The following CYP4F22 variants were observed in gnomAD, a reference collection of about 807,000 sequenced individuals.
The protein encoded by CYP4F22 is ultra-long-chain fatty acid omega-hydroxylase.
Under a neutral mutation model 60.4 loss-of-function variants are expected in CYP4F22, and 37 were observed. The observed-to-expected ratio is 0.61, with a 90% CI of 0.47 to 0.81. CYP4F22 has a LOEUF of 0.81. Among genes scored for constraint, CYP4F22 ranks in the 30% least tolerant of loss-of-function variants. The pLI is 0.00. For missense variants in CYP4F22, 655 were observed against 715.0 expected, an observed-to-expected ratio of 0.92 and a Z score of 0.96; for synonymous variants, 258 against 280.5, an observed-to-expected ratio of 0.92 and a Z score of 0.80.
At chr19:15,526,689 C>T (rs1971286494) in intron 3 of CYP4F22, among the ~76,000 whole-genome samples, 3 of 152,118 alleles carry the variant, frequency 2.0e-5, no homozygotes, top group Admixed American at 6.6e-5. Flanking sequence ...CTCAGTTCTA[C>T]CCTCTGATGC....
intron 3 of CYP4F22, among the ~76,000 whole-genome samples, chr19:15,529,135 T>TTTA (rs202117622): frequency 6.9e-4 from 63 of 91,394 alleles, no homozygotes; most frequent in African/African-American, 1.9e-3. Context: ...TTTATTTTAT[T>TTTA]TTTTTTTTTT....
At chr19:15,545,648 C>CAAAAAAAAAA (rs1217096575) in intron 10 of CYP4F22, among the ~76,000 whole-genome samples, 35 of 38,876 alleles carry the variant, frequency 9.0e-4, no homozygotes, top group Non-Finnish European at 1.2e-3. Context: ...GACCCTGTCT[C>CAAAAAAAAAA]AAAAAAAAAA....
rs141797727 is a variant in CYP4F22, at chr19:15,521,942, C to T, written c.-108-1751C>T. On this transcript the variant is annotated intron_variant, in intron 1 of 13. Transcript: ENST00000269703. ...GGTGGATGGCCTGAGGTGAGGAGTTCGAGACCAGCCTGGCCAGCATGGTGA... is the reference window on the plus strand; with the variant it reads ...GGTGGATGGCCTGAGGTGAGGAGTTTGAGACCAGCCTGGCCAGCATGGTGA... Among the ~76,000 whole-genome samples, 304 of 151,696 alleles carry T rather than the reference C, an allele frequency of 2.0e-3. 3 individuals are homozygous for T. The highest frequency in any genetic ancestry group is 6.8e-3 in the African/African-American group (281 of 41,362).
intron 8 of CYP4F22, 86 bp downstream of exon 8, chr19:15,540,803 C>T (rs1470923386): frequency 1.9e-6 from 3 of 1,545,290 alleles, no homozygotes; most frequent in East Asian, 4.5e-5. Flanking sequence ...GTTAAAACTC[C>T]ATTAGGCGTG....
intron 12 of CYP4F22, 62 bp from the exon 13 acceptor site, chr19:15,550,612 G>A (rs1334671556): frequency 2.6e-6 from 4 of 1,565,112 alleles, no homozygotes; most frequent in Non-Finnish European, 3.5e-6. Flanking sequence ...GCTCAGGGAA[G>A]GGGGCCAGGC....
intron 1 of CYP4F22, among the ~76,000 whole-genome samples, chr19:15,518,732 TTTCATTTA>T: frequency 7.2e-6 from 1 of 139,398 alleles, no homozygotes; most frequent in Non-Finnish European, 1.6e-5. Context: ...AGAGTCTAAA[TTTCATTTA>T]GAGCAAAGTG....
rs1239157132 is a variant in CYP4F22 at position 15,540,449 on chromosome 19, G to A, written c.672-1G>A. Reference sequence around the variant, plus strand: ...CTCATGGATCCCCTTCTCCTTGGCAGGAAGATGAGTGATTATATCTCCGCT... The same window carrying A: ...CTCATGGATCCCCTTCTCCTTGGCAAGAAGATGAGTGATTATATCTCCGCT... On this transcript the variant is annotated splice_acceptor_variant, in intron 7 of 13. Transcript: ENST00000269703. LOFTEE classifies it high-confidence loss of function. The A allele has an allele frequency of 6.2e-7, 1 of 1,614,158 alleles. No homozygotes were observed. The highest frequency in any genetic ancestry group is 8.5e-7 in the Non-Finnish European group (1 of 1,180,028).
At chr19:15,545,397 C>T (rs1350303846) in intron 10 of CYP4F22, among the ~76,000 whole-genome samples, 2 of 151,918 alleles carry the variant, frequency 1.3e-5, no homozygotes, top group Non-Finnish European at 2.9e-5. Flanking sequence ...CCTGTAATTC[C>T]AGCACTTTGG....
chr19:15,515,923 C>T (rs1428314114), intron 1 of CYP4F22, among the ~76,000 whole-genome samples: 3 of 151,978 alleles, frequency 2.0e-5, no homozygotes, highest in African/African-American at 7.2e-5. Context: ...TGGGGTTTCA[C>T]CATGTTAGCC....
intron 1 of CYP4F22, among the ~76,000 whole-genome samples, chr19:15,519,104 C>T (rs981582670): frequency 6.6e-6 from 1 of 152,000 alleles, no homozygotes; most frequent in African/African-American, 2.4e-5. Context: ...GACACTGAGA[C>T]ATGGGAATTG....
intron 3 of CYP4F22, among the ~76,000 whole-genome samples, chr19:15,527,429 C>A (rs1012568645): frequency 4.6e-5 from 7 of 152,238 alleles, no homozygotes; most frequent in African/African-American, 1.7e-4. Flanking sequence ...ACTGTACTCT[C>A]TGTCCAGGTA....
At chr19:15,520,732 C>T (rs1358255586) in intron 1 of CYP4F22, among the ~76,000 whole-genome samples, 4 of 148,936 alleles carry the variant, frequency 2.7e-5, no homozygotes, top group Non-Finnish European at 5.9e-5. Context: ...GTACTACAGG[C>T]GAATGCTGCC....
intron 3 of CYP4F22, among the ~76,000 whole-genome samples, chr19:15,527,353 C>T (rs1971294400): frequency 1.3e-5 from 2 of 152,190 alleles, no homozygotes; most frequent in African/African-American, 4.8e-5. Context: ...CACCATCCCT[C>T]CCTAGCTCCA....
chr19:15,538,237 C>A (rs1971422337), intron 7 of CYP4F22, among the ~76,000 whole-genome samples: 1 of 152,050 alleles, frequency 6.6e-6, no homozygotes, highest in African/African-American at 2.4e-5. Flanking sequence ...TAATGTGAAT[C>A]AATGGCTTGG....
chr19:15,540,554 C>T lies in CYP4F22; in HGVS notation c.776C>T (p.Ala259Val), dbSNP rs188702643. Residue 259 changes from alanine to valine, a missense_variant, in exon 8 of 14, where the codon GCG becomes GTG. Physicochemically the swap from Ala to Val is moderately conservative, Grantham distance 64 (BLOSUM62 0). Transcript: ENST00000269703. ...CTCGACTTCATTTACTACCGCTCGG[C>T]GGATGGGCGGAGGTTCCGGCAGGCC... is the stretch of plus-strand genomic sequence containing the variant. ...HYLDFIYYRSADGRRFRQACD... is the reference protein window; with the variant it reads ...HYLDFIYYRSVDGRRFRQACD... The T allele has an allele frequency of 3.7e-6, 6 of 1,614,234 alleles. No individual in the cohort carries two copies. Among genetic ancestry groups the T allele is most frequent in the East Asian group, 2.2e-5 (1 of 44,882 alleles).
At chr19:15,528,224 A>G (rs1314334375) in intron 3 of CYP4F22, among the ~76,000 whole-genome samples, 1 of 152,176 alleles carries the variant, frequency 6.6e-6, no homozygotes, top group African/African-American at 2.4e-5. Context: ...AGGCCAAGGC[A>G]GGAGAATTGC....
intron 1 of CYP4F22, among the ~76,000 whole-genome samples, chr19:15,518,385 A>G (rs997562333): frequency 1.3e-5 from 2 of 151,954 alleles, no homozygotes; most frequent in African/African-American, 2.4e-5. Context: ...TCACGCCTGT[A>G]ATCCCAGCAC....
chr19:15,525,092 C>A (rs1389932110), intron 2 of CYP4F22, among the ~76,000 whole-genome samples: 2 of 152,136 alleles, frequency 1.3e-5, no homozygotes, highest in African/African-American at 4.8e-5. Context: ...GCAGAGAATG[C>A]CCTATGGTAG....
intron 10 of CYP4F22, among the ~76,000 whole-genome samples, chr19:15,545,416 G>C (rs979096741): frequency 2.0e-5 from 3 of 151,994 alleles, no homozygotes; most frequent in African/African-American, 2.4e-5. Flanking sequence ...GGGAGGCCGA[G>C]GGGGGTGGAT....
Sources: gnomAD v4.1 joint callset for allele counts (sites outside exome capture counted in the v4.1 genomes callset) on GRCh38, gnomAD v4.1.1 for gene constraint, MANE v1.5 for transcripts, NCBI Gene and HGNC (gene_info 2026-07-23, HGNC 2026-07-21) for gene names.